PRKAG2: variants seen among roughly 807,000 people sequenced by gnomAD.
PRKAG2 encodes 5'-AMP-activated protein kinase subunit gamma-2.
Under a neutral mutation model 69.6 loss-of-function variants are expected in PRKAG2, and 26 were observed. That is an observed-to-expected ratio of 0.37 (90% CI 0.27 to 0.52). The LOEUF (loss-of-function observed/expected upper bound fraction) is 0.52. PRKAG2 is among the 20% of genes least tolerant of loss of function. The probability of loss-of-function intolerance (pLI) is 0.90; values close to 1 mark genes in which losing one functional copy is unlikely to be tolerated. For missense variants in PRKAG2, 557 were observed against 740.0 expected (o/e 0.75, Z 2.87); for synonymous variants, 293 against 285.0 (o/e 1.03, Z -0.28).
chr7:151,832,595 TG>T (rs34839120), intron 1 of PRKAG2, among the ~76,000 whole-genome samples: 6 of 141,788 alleles, frequency 4.2e-5, no homozygotes, highest in African/African-American at 1.0e-4. Flanking sequence ...GAGGCATCTC[TG>T]GGGGGGGGGT....
At chr7:151,579,131 TC>T (rs2151057875) in intron 6 of PRKAG2, among the ~76,000 whole-genome samples, 1 of 152,278 alleles carries the variant, frequency 6.6e-6, no homozygotes, top group African/African-American at 2.4e-5. Flanking sequence ...CTCAAGTGAT[TC>T]TCCCACCTCA....
intron 15 of PRKAG2, 94 bp from the exon 16 acceptor site, chr7:151,557,326 G>A: frequency 6.2e-7 from 1 of 1,612,234 alleles, no homozygotes; most frequent in Admixed American, 1.7e-5. Flanking sequence ...CAGTGCCTTA[G>A]GAGGATGATC....
At chr7:151,732,883 A>G (rs1029792952) in intron 3 of PRKAG2, among the ~76,000 whole-genome samples, 1 of 151,984 alleles carries the variant, frequency 6.6e-6, no homozygotes, top group African/African-American at 2.4e-5. Context: ...AGTAGAGACA[A>G]GGTTTCATCA....
At chr7:151,862,436 C>T (rs1414024085) in intron 1 of PRKAG2, among the ~76,000 whole-genome samples, 1 of 152,158 alleles carries the variant, frequency 6.6e-6, no homozygotes, top group African/African-American at 2.4e-5. Flanking sequence ...TCAGATTTTT[C>T]TAAATTGGGT....
chr7:151,590,117 G>A lies in PRKAG2; in HGVS notation c.864+5228C>T, dbSNP rs187302186. ...TGTGACTAAAAAAGCCATCATCTGT[G>A]CCTGTGATGACATTTGTGTGCCAGG... On this transcript the variant is annotated intron_variant, in intron 6 of 15. Transcript: ENST00000287878. 5.9e-4 allele frequency among the ~76,000 whole-genome samples: 90 copies of A among 152,282 alleles called. 2 individuals carry two copies. Among genetic ancestry groups the A allele is most frequent in the African/African-American group, 2.1e-3 (87 of 41,562 alleles).
chr7:151,760,322 T>C (rs1238246528), intron 3 of PRKAG2, among the ~76,000 whole-genome samples: 1 of 152,164 alleles, frequency 6.6e-6, no homozygotes, highest in Non-Finnish European at 1.5e-5. Context: ...CTGCAACCTC[T>C]GCTGCCCAAG....
chr7:151,815,659 T>A (rs2078619765), intron 1 of PRKAG2, among the ~76,000 whole-genome samples: 1 of 152,218 alleles, frequency 6.6e-6, no homozygotes, highest in Non-Finnish European at 1.5e-5. Context: ...TCTGTGAGTA[T>A]CATCAGTTCC....
intron 3 of PRKAG2, among the ~76,000 whole-genome samples, chr7:151,687,931 C>T (rs1563430852): frequency 6.6e-6 from 1 of 151,984 alleles, no homozygotes; most frequent in South Asian, 2.1e-4. Context: ...AACGGGGCTC[C>T]CTCGGCCAGC....
At chr7:151,676,758 CT>C (rs1237830889) in intron 3 of PRKAG2, among the ~76,000 whole-genome samples, 1 of 152,164 alleles carries the variant, frequency 6.6e-6, no homozygotes, top group Non-Finnish European at 1.5e-5. Flanking sequence ...GAAACAGGGT[CT>C]TTTCAGATCA....
At chr7:151,811,737 T>C (rs901689124) in intron 1 of PRKAG2, among the ~76,000 whole-genome samples, 3 of 152,172 alleles carry the variant, frequency 2.0e-5, no homozygotes, top group Non-Finnish European at 2.9e-5. Context: ...GGGAAGGTAT[T>C]GAGCCTTGAA....
At chr7:151,563,737 G>A (rs1805603324) in intron 14 of PRKAG2, among the ~76,000 whole-genome samples, 1 of 152,128 alleles carries the variant, frequency 6.6e-6, no homozygotes, top group Non-Finnish European at 1.5e-5. Flanking sequence ...AAGCCACCAT[G>A]CCCAGCTAAT....
intron 4 of PRKAG2, among the ~76,000 whole-genome samples, chr7:151,669,758 A>ACACACTTGCACG (rs1563384547): frequency 6.6e-5 from 10 of 151,896 alleles, no homozygotes; most frequent in African/African-American, 2.2e-4. Flanking sequence ...ACCTGCATGC[A>ACACACTTGCACG]CACACACCTG....
At chr7:151,698,959 C>T (rs1277171735) in intron 3 of PRKAG2, among the ~76,000 whole-genome samples, 1 of 152,200 alleles carries the variant, frequency 6.6e-6, no homozygotes, top group African/African-American at 2.4e-5. Flanking sequence ...GGAAAACCCA[C>T]CTCTGCAAGA....
At chr7:151,616,987 C>T (rs1189429128) in intron 5 of PRKAG2, among the ~76,000 whole-genome samples, 2 of 152,080 alleles carry the variant, frequency 1.3e-5, no homozygotes, top group Admixed American at 6.6e-5. Context: ...AGGCCGGGCG[C>T]GGGGGCTCAC....
At chr7:151,728,800 A>C (rs1339941880) in intron 3 of PRKAG2, among the ~76,000 whole-genome samples, 1 of 151,902 alleles carries the variant, frequency 6.6e-6, no homozygotes, top group African/African-American at 2.4e-5. Flanking sequence ...GAGAGCACGC[A>C]CCTCGCTGAC....
At chr7:151,799,808 G>A (rs1281685988) in intron 1 of PRKAG2, among the ~76,000 whole-genome samples, 3 of 152,302 alleles carry the variant, frequency 2.0e-5, no homozygotes, top group African/African-American at 4.8e-5. Context: ...CCAGGGCCAC[G>A]CTGCAGGCAG....
At position 151,803,895 on chromosome 7, in the gene PRKAG2, G is replaced by A. The variant is rs190303744; in HGVS notation, c.115-17354C>T. 9.7e-4 allele frequency among the ~76,000 whole-genome samples: 136 copies of A among 140,386 alleles called. 1 individual carries two copies. The highest frequency in any genetic ancestry group is 1.7e-3 in the Admixed American group (23 of 13,282). The allele number at this position is 140,386 out of a possible 152,430, so 92.1% of individuals were successfully genotyped here. A position where few individuals can be genotyped will look rare whatever the true frequency, so the allele number is the denominator to read the frequency against. The stretch of plus-strand genomic sequence containing the variant: ...AGAGGTTGCAGTGAGTTGAGATCGC[G>A]CCACTGCACTCCAGACTGGGCAGCA... On this transcript the variant is annotated intron_variant, in intron 1 of 15. Coordinates refer to ENST00000287878, the MANE Select transcript of PRKAG2 (RefSeq NM_016203.4).
At position 151,803,874 on chromosome 7, in the gene PRKAG2, G is replaced by A. The variant is rs2151841988; in HGVS notation, c.115-17333C>T. ...AATCATTTGAACCTGGGAGGCAGAG[G>A]TTGCAGTGAGTTGAGATCGCGCCAC... On this transcript the variant is annotated intron_variant, in intron 1 of 15. Coordinates refer to ENST00000287878, the MANE Select transcript of PRKAG2 (RefSeq NM_016203.4). Among the ~76,000 whole-genome samples the A allele has an allele frequency of 1.4e-5, 2 of 146,796 alleles. 1 individual carries two copies. Among genetic ancestry groups the A allele is most frequent in the South Asian group, 4.3e-4 (2 of 4,680 alleles).
intron 1 of PRKAG2, among the ~76,000 whole-genome samples, chr7:151,854,582 G>T (rs1372656938): frequency 6.6e-6 from 1 of 152,236 alleles, no homozygotes; most frequent in East Asian, 1.9e-4. Context: ...AAACTCGAGG[G>T]CCTCATGGAA....
Sources: gnomAD v4.1 joint callset for allele counts (sites outside exome capture counted in the v4.1 genomes callset) on GRCh38, gnomAD v4.1.1 for gene constraint, MANE v1.5 for transcripts, NCBI Gene and HGNC (gene_info 2026-07-23, HGNC 2026-07-21) for gene names.